Variants in WDR49 observed in about 807,000 individuals in gnomAD.
WDR49 encodes WD repeat domain 49.
In WDR49, 107 loss-of-function variants were observed where a neutral mutation model predicts 119.5. The ratio of observed to expected loss-of-function variants is 0.90; its 90% CI spans 0.77 to 1.05. WDR49 has a LOEUF of 1.05. Among genes scored for constraint, WDR49 ranks in the 50% least tolerant of loss-of-function variants. The pLI is 0.00. For missense variants in WDR49, 1,240 were observed against 1,220.5 expected (o/e 1.02, Z -0.24); for synonymous variants, 425 against 418.8 (o/e 1.01, Z -0.18).
chr3:167,519,657 GA>G (rs1752356192), intron 16 of WDR49, among the ~76,000 whole-genome samples: 1 of 151,738 alleles, frequency 6.6e-6, no homozygotes, highest in African/African-American at 2.4e-5. Flanking sequence ...GGGGGAGGGG[GA>G]GCATCATGAA....
intron 3 of WDR49, 145 bp from the exon 4 acceptor site, chr3:167,621,788 G>T: frequency 1.3e-6 from 1 of 774,320 alleles, no homozygotes; most frequent in Non-Finnish European, 2.0e-6. Context: ...AAGAACAGCG[G>T]CACAAATGTA....
chr3:167,562,873 T>C (rs1371619286), intron 8 of WDR49, among the ~76,000 whole-genome samples: 1 of 152,234 alleles, frequency 6.6e-6, no homozygotes, highest in African/African-American at 2.4e-5. Flanking sequence ...AACAAACTAA[T>C]ATTTTTAAAG....
In WDR49 at chr3:167,501,633, G is replaced by T. The variant is rs575332443; in HGVS notation, c.2885-1334C>A. 2.6e-5 allele frequency among the ~76,000 whole-genome samples: 4 copies of T among 152,192 alleles called. No individual in the cohort carries two copies. The East Asian group carries it at 7.8e-4, about 30-fold the overall frequency. On this transcript the variant is annotated intron_variant, in intron 17 of 18. Transcript: ENST00000682715. ...TGTGACATTCCCTTGGACATAAGTT[G>T]AAAAGATATTTGTAGTAAGTAACAT...
rs535132359 is a variant in WDR49, at chr3:167,545,509, T to TATATATATA, written c.1824-8510_1824-8509insTATATATAT. Among the ~76,000 whole-genome samples the TATATATATA allele has an allele frequency of 3.8e-4, 41 of 108,272 alleles. 3 individuals carry two copies. Among genetic ancestry groups the TATATATATA allele is most frequent in the African/African-American group, 9.9e-4 (30 of 30,450 alleles). 71.0% of individuals were successfully genotyped at this position (108,272 alleles called of 152,430 possible). ...CCATATATATATTATATATTATATA[T>TATATATATA]TATATATATATATATGCACCCTGGA... On this transcript the variant is annotated intron_variant, in intron 10 of 18. Transcript: ENST00000682715.
Position 167,626,600 on chromosome 3 carries a change from A to G in WDR49, c.606+252T>C, listed in dbSNP as rs186060105. Among the ~76,000 whole-genome samples, 975 of 152,172 alleles carry G rather than the reference A, an allele frequency of 6.4e-3. 1 individual carries two copies. Among genetic ancestry groups the G allele is most frequent in the Non-Finnish European group, 0.01 (700 of 67,982 alleles). On this transcript the variant is annotated intron_variant, in intron 3 of 18. Coordinates refer to ENST00000682715, the MANE Select transcript of WDR49 (RefSeq NM_001366157.1). Reference sequence around the variant, plus strand: ...CAGATCCACAGTCCTGCTGTAAACTATACAGGAGTAAAGTCCTTATAAGCT... The same window carrying G: ...CAGATCCACAGTCCTGCTGTAAACTGTACAGGAGTAAAGTCCTTATAAGCT...
At chr3:167,539,642 T>C (rs1295819393) in intron 10 of WDR49, among the ~76,000 whole-genome samples, 8 of 152,098 alleles carry the variant, frequency 5.3e-5, no homozygotes, top group Admixed American at 4.6e-4. Context: ...CCTATACATA[T>C]TGAGTGTTCA....
intron 7 of WDR49, among the ~76,000 whole-genome samples, chr3:167,594,808 A>T (rs375784168): frequency 3.3e-5 from 5 of 150,152 alleles, no homozygotes; most frequent in African/African-American, 9.8e-5. Flanking sequence ...AAACTGGCAC[A>T]AGACAGGGAT....
chr3:167,534,221 C>T (rs1752945528), intron 11 of WDR49, among the ~76,000 whole-genome samples: 1 of 151,912 alleles, frequency 6.6e-6, no homozygotes. Context: ...AAAGAAAGCA[C>T]AATCTCTGAA....
chr3:167,610,248 A>G (rs777329161), intron 5 of WDR49, among the ~76,000 whole-genome samples: 5 of 152,208 alleles, frequency 3.3e-5, no homozygotes, highest in South Asian at 2.1e-4. Flanking sequence ...AGGGTCCCCA[A>G]TTCCAAGACT....
chr3:167,499,409 T>TG (rs974218221), intron 18 of WDR49, among the ~76,000 whole-genome samples: 52 of 152,356 alleles, frequency 3.4e-4, no homozygotes, highest in African/African-American at 1.2e-3. Flanking sequence ...TTCTGATTGT[T>TG]ACAAGTTGAA....
chr3:167,495,883 G>GAAAAAAAAAAAAAAAAAAAAAAAA, intron 18 of WDR49, among the ~76,000 whole-genome samples: 12 of 71,224 alleles, frequency 1.7e-4, no homozygotes, highest in South Asian at 7.8e-4. Context: ...TTAAAAATTT[G>GAAAAAAAAAAAAAAAAAAAAAAAA]AAAAAAAAAA....
At chr3:167,595,135 A>C (rs901905300) in intron 7 of WDR49, among the ~76,000 whole-genome samples, 2 of 152,124 alleles carry the variant, frequency 1.3e-5, no homozygotes, top group East Asian at 1.9e-4. Flanking sequence ...CAAAGAGAAT[A>C]AAATACTTAG....
chr3:167,656,453 T>A (rs1336208584), upstream of WDR49, among the ~76,000 whole-genome samples: 1 of 152,186 alleles, frequency 6.6e-6, no homozygotes, highest in Admixed American at 6.5e-5. Flanking sequence ...AAAAACATTC[T>A]GTAAAGATGA....
At chr3:167,657,636 T>C (rs1366244410), upstream of WDR49, among the ~76,000 whole-genome samples, 1 of 151,956 alleles carries the variant, frequency 6.6e-6, no homozygotes. Context: ...AAGCCTGTTC[T>C]TACTCGTTAA....
At chr3:167,580,947 T>A (rs1714498591) in intron 7 of WDR49, among the ~76,000 whole-genome samples, 1 of 152,164 alleles carries the variant, frequency 6.6e-6, no homozygotes, top group Admixed American at 6.5e-5. Context: ...ATAATTTTTT[T>A]AATTTGTATT....
At position 167,554,903 on chromosome 3, in the gene WDR49, CTCA is replaced by C. The variant is rs1712833418; in HGVS notation, c.1675-108_1675-106del. 1.1e-5 allele frequency: 9 copies of C among 833,794 alleles called. No individual in the cohort carries two copies. The Middle Eastern group carries it at 1.0e-3, about 92-fold the overall frequency. 51.6% of individuals were successfully genotyped at this position (833,794 alleles called of 1,614,324 possible). A position where few individuals can be genotyped will look rare whatever the true frequency, so the allele number is the denominator to read the frequency against. On this transcript the variant is annotated intron_variant, in intron 9 of 18. Coordinates refer to ENST00000682715, the MANE Select transcript of WDR49 (RefSeq NM_001366157.1). ...ATATGTAATCATTAAAGAAAATCAA[CTCA>C]TCATTGAATTTTGCCACTATATTAC... is the stretch of plus-strand genomic sequence containing the variant.
chr3:167,606,620 G>C (rs887879135), intron 5 of WDR49, among the ~76,000 whole-genome samples: 6 of 152,162 alleles, frequency 3.9e-5, no homozygotes, highest in Non-Finnish European at 5.9e-5. Flanking sequence ...ATACAAAGGA[G>C]ATGTTCAGAA....
intron 16 of WDR49, among the ~76,000 whole-genome samples, chr3:167,510,252 A>C (rs113617994): frequency 1.3e-5 from 2 of 152,192 alleles, no homozygotes; most frequent in African/African-American, 4.8e-5. Flanking sequence ...GCATGGTGGC[A>C]TATGCCTGTA....
intron 7 of WDR49, among the ~76,000 whole-genome samples, chr3:167,598,598 A>G (rs747129741): frequency 6.6e-6 from 1 of 152,040 alleles, no homozygotes; most frequent in Non-Finnish European, 1.5e-5. Flanking sequence ...CTTCCCCTTC[A>G]CCTTCCACCA....
Sources: allele counts gnomAD v4.1 joint callset (sites outside exome capture counted in the v4.1 genomes callset), GRCh38; gene constraint gnomAD v4.1.1; transcripts MANE v1.5; gene names NCBI Gene and HGNC (gene_info 2026-07-23, HGNC 2026-07-21).